SMYD3: variants seen among roughly 807,000 people sequenced by gnomAD.
SMYD3 encodes histone-lysine N-methyltransferase SMYD3.
In SMYD3, 36 loss-of-function variants were observed where a neutral mutation model predicts 57.7. The observed-to-expected ratio is 0.62, with a 90% CI of 0.48 to 0.82. SMYD3 has a LOEUF of 0.82. Among genes scored for constraint, SMYD3 ranks in the 40% least tolerant of loss-of-function variants. The pLI is 0.00. For synonymous variants in SMYD3, 211 were observed against 195.0 expected (o/e 1.08, Z -0.68); for missense variants, 515 against 538.8 (o/e 0.96, Z 0.44).
chr1:245,904,486 G>C (rs1042973068), intron 8 of SMYD3, among the ~76,000 whole-genome samples: 2 of 152,198 alleles, frequency 1.3e-5, no homozygotes, highest in Non-Finnish European at 2.9e-5. Context: ...TGTCCTGTTA[G>C]AGGAGAAAGG....
intron 5 of SMYD3, among the ~76,000 whole-genome samples, chr1:246,091,364 A>G (rs1443666196): frequency 6.6e-6 from 1 of 151,980 alleles, no homozygotes; most frequent in South Asian, 2.1e-4. Context: ...CAGGATTCCA[A>G]CTTTCCTATG....
rs142068842 is a variant in SMYD3, at chr1:246,336,692, G to A, written c.229-1218C>T. 5.8e-3 allele frequency among the ~76,000 whole-genome samples: 876 copies of A among 152,194 alleles called. 8 individuals carry two copies. Among genetic ancestry groups the A allele is most frequent in the African/African-American group, 0.02 (815 of 41,534 alleles). On this transcript the variant is annotated intron_variant, in intron 2 of 11. Transcript: ENST00000490107. ...ACGAAGCACGTTTCACTTGATTTTC[G>A]TAACAATCCAAATGGTAGGTATTAT...
chr1:246,434,498 G>A (rs2067341083), intron 1 of SMYD3, among the ~76,000 whole-genome samples: 1 of 152,130 alleles, frequency 6.6e-6, no homozygotes, highest in Non-Finnish European at 1.5e-5. Context: ...TATATGAATA[G>A]ACACTTCTCA....
At chr1:246,329,577 G>C (rs2065424540) in intron 4 of SMYD3, among the ~76,000 whole-genome samples, 1 of 152,080 alleles carries the variant, frequency 6.6e-6, no homozygotes, top group African/African-American at 2.4e-5. Flanking sequence ...GTTCATTGTA[G>C]ATTCTGGATA....
At chr1:245,985,942 A>C (rs547749653) in intron 5 of SMYD3, among the ~76,000 whole-genome samples, 2 of 152,252 alleles carry the variant, frequency 1.3e-5, no homozygotes, top group East Asian at 3.9e-4. Context: ...GCGCCATTCA[A>C]AGGTAAATCC....
At chr1:246,482,245 T>A (rs569437194) in intron 1 of SMYD3, among the ~76,000 whole-genome samples, 2 of 152,258 alleles carry the variant, frequency 1.3e-5, no homozygotes, top group East Asian at 3.9e-4. Context: ...GCCCAGGGCA[T>A]ATAATCTTTA....
At chr1:246,157,547 T>A (rs1216128840) in intron 5 of SMYD3, among the ~76,000 whole-genome samples, 1 of 152,208 alleles carries the variant, frequency 6.6e-6, no homozygotes, top group East Asian at 1.9e-4. Context: ...GCAAAAGGCC[T>A]AATTCAATAC....
chr1:246,362,764 G>C (rs546076821), intron 1 of SMYD3, among the ~76,000 whole-genome samples: 1,931 of 101,302 alleles, frequency 0.019, no homozygotes, highest in South Asian at 0.046. Context: ...TCACTCAGTG[G>C]TCAATGGTGC....
chr1:245,915,631 A>G lies in SMYD3; in HGVS notation c.712T>C (p.Cys238Arg), dbSNP rs748774049. The G allele has an allele frequency of 3.1e-6, 5 of 1,612,568 alleles. No individual in the cohort carries two copies. The highest frequency in any genetic ancestry group is 4.2e-6 in the Non-Finnish European group (5 of 1,178,740). Reference sequence around the variant, plus strand: ...CTGGTCATCAGCATATCCAGGTAGCAGATGGTGAGCTGTGCAGGCCAGAGA... The same window carrying G: ...CTGGTCATCAGCATATCCAGGTAGCGGATGGTGAGCTGTGCAGGCCAGAGA... ...DIEVGEELTI[C>R]YLDMLMTSEE... Residue 238 changes from cysteine to arginine, a missense_variant, in exon 8 of 12, where the codon TGC becomes CGC. Transcript: ENST00000490107.
intron 5 of SMYD3, among the ~76,000 whole-genome samples, chr1:246,025,094 C>T (rs2059552009): frequency 7.1e-6 from 1 of 140,646 alleles, no homozygotes; most frequent in African/African-American, 2.8e-5. Flanking sequence ...AGGAAGTGGA[C>T]AGCATCTAGG....
In SMYD3 at chr1:246,227,295, C is replaced by T. The variant is rs76869012; in HGVS notation, c.531+99906G>A. On this transcript the variant is annotated intron_variant, in intron 5 of 11. Coordinates refer to ENST00000490107, the MANE Select transcript of SMYD3 (RefSeq NM_001167740.2). Reference sequence around the variant, plus strand: ...GTTTATGCTTTAATTTCAGCTCATGCACTGGGGCGCCCTCAGGAGGATTAA... The same window carrying T: ...GTTTATGCTTTAATTTCAGCTCATGTACTGGGGCGCCCTCAGGAGGATTAA... Among the ~76,000 whole-genome samples the T allele has an allele frequency of 2.0e-3, 310 of 152,284 alleles. 1 individual carries two copies. Among genetic ancestry groups the T allele is most frequent in the Middle Eastern group, 0.01 (3 of 294 alleles).
chr1:246,462,157 C>A (rs185078410), intron 1 of SMYD3, among the ~76,000 whole-genome samples: 1 of 152,054 alleles, frequency 6.6e-6, no homozygotes, highest in East Asian at 1.9e-4. Context: ...ATTGTGAGTA[C>A]GGGCATGGCA....
chr1:246,377,194 ATAAGT>A (rs1422533717), intron 1 of SMYD3, among the ~76,000 whole-genome samples: 2 of 152,184 alleles, frequency 1.3e-5, no homozygotes, highest in Non-Finnish European at 2.9e-5. Flanking sequence ...CAAAACAAAA[ATAAGT>A]TAGTGAGGAA....
intron 7 of SMYD3, among the ~76,000 whole-genome samples, chr1:245,920,292 G>A (rs550131556): frequency 6.8e-5 from 9 of 132,390 alleles, no homozygotes; most frequent in African/African-American, 2.6e-4. Flanking sequence ...CAGCCTGGGC[G>A]ACAGAGCGAG....
At chr1:245,806,220 G>A (rs2048136434) in intron 10 of SMYD3, among the ~76,000 whole-genome samples, 1 of 152,152 alleles carries the variant, frequency 6.6e-6, no homozygotes, top group African/African-American at 2.4e-5. Context: ...CCAAAGTGGG[G>A]ATGCAGAATT....
chr1:246,228,573 G>A (rs10802358), intron 5 of SMYD3, among the ~76,000 whole-genome samples: 31,408 of 151,886 alleles, frequency 0.21, 3,912 homozygotes, highest in East Asian at 0.58. Context: ...TATAGGTCAA[G>A]CTGACAGCAG....
At chr1:245,920,149 T>TA (rs2055782780) in intron 7 of SMYD3, among the ~76,000 whole-genome samples, 1 of 151,898 alleles carries the variant, frequency 6.6e-6, no homozygotes, top group South Asian at 2.1e-4. Context: ...CCGTCTCTAC[T>TA]AAAAATACAA....
chr1:246,247,241 G>T (rs926428406), intron 5 of SMYD3, among the ~76,000 whole-genome samples: 1 of 151,216 alleles, frequency 6.6e-6, no homozygotes, highest in Admixed American at 6.6e-5. Flanking sequence ...ACATTTGAAA[G>T]CATGTGTGCA....
rs556380328 is a variant in SMYD3 at position 246,190,477 on chromosome 1, C to T, written c.531+136724G>A. 3.1e-4 allele frequency among the ~76,000 whole-genome samples: 45 copies of T among 146,644 alleles called. No homozygotes were observed. In the South Asian group the frequency reaches 6.8e-3, roughly 22 times the overall value. On this transcript the variant is annotated intron_variant, in intron 5 of 11. Coordinates refer to ENST00000490107, the MANE Select transcript of SMYD3 (RefSeq NM_001167740.2). ...GCAGGCACCTGTAGTCCCAGCTACT[C>T]GGGAGGCTGAGGCAGGAGAATCGCT...
Sources: allele counts gnomAD v4.1 joint callset (sites outside exome capture counted in the v4.1 genomes callset), GRCh38; gene constraint gnomAD v4.1.1; transcripts MANE v1.5; gene names NCBI Gene and HGNC (gene_info 2026-07-23, HGNC 2026-07-21).